PSD3: variants seen among roughly 807,000 people sequenced by gnomAD.
The protein encoded by PSD3 is pleckstrin and Sec7 domain containing 3.
A neutral mutation model predicts 105.5 loss-of-function variants in PSD3; 49 were observed. The ratio of observed to expected loss-of-function variants is 0.46; its 90% CI spans 0.37 to 0.59. PSD3 has a LOEUF of 0.59. Among genes scored for constraint, PSD3 ranks in the 20% least tolerant of loss-of-function variants. The probability of loss-of-function intolerance (pLI) is 0.00; values close to 1 mark genes in which losing one functional copy is unlikely to be tolerated. For missense variants in PSD3, 1,561 were observed against 1,263.8 expected, an observed-to-expected ratio of 1.24 and a Z score of -3.57; for synonymous variants, 557 against 457.8, an observed-to-expected ratio of 1.22 and a Z score of -2.77.
intron 15 of PSD3, among the ~76,000 whole-genome samples, chr8:18,536,802 T>C (rs980160585): frequency 6.6e-6 from 1 of 152,122 alleles, no homozygotes; most frequent in Non-Finnish European, 1.5e-5. Flanking sequence ...AGAACTATCA[T>C]ATATGTTGCA....
chr8:18,942,534 A>G (rs1488260439), intron 1 of PSD3, among the ~76,000 whole-genome samples: 1 of 152,222 alleles, frequency 6.6e-6, no homozygotes. Context: ...CCTCAAATGT[A>G]ACTGTATTTG....
At chr8:18,672,371 T>C (rs1027430166) in intron 9 of PSD3, among the ~76,000 whole-genome samples, 1 of 152,074 alleles carries the variant, frequency 6.6e-6, no homozygotes, top group Non-Finnish European at 1.5e-5. Flanking sequence ...CTGGGGGACT[T>C]TGACATTTAG....
At chr8:18,701,880 C>T (rs1801603484) in intron 9 of PSD3, among the ~76,000 whole-genome samples, 2 of 151,956 alleles carry the variant, frequency 1.3e-5, no homozygotes, top group African/African-American at 4.8e-5. Flanking sequence ...TTTCAACCGA[C>T]AAAAAAACAT....
At chr8:18,621,402 C>T (rs747316887) in intron 11 of PSD3, among the ~76,000 whole-genome samples, 12 of 152,070 alleles carry the variant, frequency 7.9e-5, no homozygotes, top group Non-Finnish European at 1.2e-4. Flanking sequence ...AGTGAGACAC[C>T]GTCTCAGAAA....
At chr8:18,902,810 G>C (rs142025973) in intron 2 of PSD3, among the ~76,000 whole-genome samples, 7,149 of 152,286 alleles carry the variant, frequency 0.047, 206 homozygotes, top group South Asian at 0.081. Context: ...CCTCAGTGGC[G>C]TATGTTGTAG....
intron 14 of PSD3, among the ~76,000 whole-genome samples, chr8:18,568,626 C>G (rs376530370): frequency 2.6e-5 from 4 of 152,132 alleles, no homozygotes; most frequent in Non-Finnish European, 4.4e-5. Context: ...TCTTCTGCAG[C>G]TACCTTGGTT....
At chr8:18,574,418 T>C (rs181293296) in intron 13 of PSD3, among the ~76,000 whole-genome samples, 6 of 152,320 alleles carry the variant, frequency 3.9e-5, no homozygotes, top group East Asian at 1.9e-4. Flanking sequence ...TTATGCCCAA[T>C]AGCTGTAATT....
chr8:18,780,503 A>G (rs1808503478), intron 8 of PSD3, among the ~76,000 whole-genome samples: 1 of 151,730 alleles, frequency 6.6e-6, no homozygotes, highest in South Asian at 2.1e-4. Context: ...TCCTCTTATC[A>G]TTGTGGTTTG....
chr8:18,632,563 G>C, intron 11 of PSD3, 50 bp downstream of exon 11: 1 of 1,531,864 alleles, frequency 6.5e-7, no homozygotes, highest in Non-Finnish European at 8.9e-7. Flanking sequence ...TAAATTTTGA[G>C]CATAAAGATA....
At chr8:18,547,871 G>C (rs1330561165) in intron 15 of PSD3, among the ~76,000 whole-genome samples, 1 of 152,082 alleles carries the variant, frequency 6.6e-6, no homozygotes, top group Admixed American at 6.5e-5. Context: ...CTTTAAATAA[G>C]TATTCTTTAA....
intron 1 of PSD3, among the ~76,000 whole-genome samples, chr8:19,058,156 T>C (rs569471183): frequency 2.0e-5 from 3 of 152,330 alleles, no homozygotes; most frequent in East Asian, 1.9e-4. Context: ...CTCAAAATCA[T>C]TGAGATTTGC....
At chr8:19,018,738 G>A (rs78613067) in intron 1 of PSD3, among the ~76,000 whole-genome samples, 1 of 152,210 alleles carries the variant, frequency 6.6e-6, no homozygotes, top group Non-Finnish European at 1.5e-5. Flanking sequence ...CTTGAATCAA[G>A]TGTGTCTGAA....
chr8:18,851,844 T>A (rs573194972), intron 4 of PSD3, among the ~76,000 whole-genome samples: 1 of 152,332 alleles, frequency 6.6e-6, no homozygotes, highest in South Asian at 2.1e-4. Flanking sequence ...CAGTGGAGAT[T>A]CCTTCTGGAG....
chr8:18,980,603 T>A lies in PSD3; in HGVS notation c.21+32960A>T, dbSNP rs536484548. On this transcript the variant is annotated intron_variant, in intron 1 of 15. Coordinates refer to ENST00000327040, the MANE Select transcript of PSD3 (RefSeq NM_015310.4). ...TTTGTGCTATTCATCTCATCTATTT[T>A]ATCCTTCTCTCCTTTCTTGCCTCTT... is the stretch of plus-strand genomic sequence containing the variant. Among the ~76,000 whole-genome samples the A allele has an allele frequency of 4.1e-4, 62 of 152,326 alleles. No individual in the cohort carries two copies. The South Asian group carries it at 0.012, about 30-fold the overall frequency.
intron 11 of PSD3, among the ~76,000 whole-genome samples, chr8:18,629,437 A>C (rs1454607947): frequency 6.6e-6 from 1 of 152,042 alleles, no homozygotes. Flanking sequence ...ATAACAGTTC[A>C]AAACTGGAAA....
intron 9 of PSD3, among the ~76,000 whole-genome samples, chr8:18,713,011 T>C (rs1010893987): frequency 6.6e-6 from 1 of 152,114 alleles, no homozygotes; most frequent in African/African-American, 2.4e-5. Context: ...ATTCATCACA[T>C]ACACAGAACT....
intron 9 of PSD3, among the ~76,000 whole-genome samples, chr8:18,709,162 C>T (rs780242326): frequency 9.2e-5 from 14 of 152,162 alleles, no homozygotes; most frequent in Non-Finnish European, 1.9e-4. Flanking sequence ...TTTTCTCCTG[C>T]TGATGCCAGG....
intron 9 of PSD3, among the ~76,000 whole-genome samples, chr8:18,743,147 G>A (rs1219963634): frequency 6.6e-6 from 1 of 152,084 alleles, no homozygotes; most frequent in Non-Finnish European, 1.5e-5. Flanking sequence ...CCTCCCCTTT[G>A]CCCTTTGAAG....
At chr8:18,831,817 T>C (rs1015250153) in intron 4 of PSD3, among the ~76,000 whole-genome samples, 1 of 151,610 alleles carries the variant, frequency 6.6e-6, no homozygotes, top group Non-Finnish European at 1.5e-5. Context: ...CTATAGAAAA[T>C]AGCCAAAAAA....
Sources: allele counts gnomAD v4.1 joint callset (sites outside exome capture counted in the v4.1 genomes callset), GRCh38; gene constraint gnomAD v4.1.1; transcripts MANE v1.5; gene names NCBI Gene and HGNC (gene_info 2026-07-23, HGNC 2026-07-21).